The following ZNF536 variants were observed in gnomAD, a reference collection of about 807,000 sequenced individuals.
The protein encoded by ZNF536 is zinc finger protein 536.
A neutral mutation model predicts 84.5 loss-of-function variants in ZNF536; 13 were observed. The observed-to-expected ratio is 0.15, with a 90% CI of 0.10 to 0.24. The LOEUF (loss-of-function observed/expected upper bound fraction) is 0.24. Ranked by LOEUF, ZNF536 falls within the 10% of genes least tolerant of loss-of-function variation. ZNF536 has a pLI of 1.00. For synonymous variants in ZNF536, 811 were observed against 742.5 expected (o/e 1.09, Z -1.50); for missense variants, 1,536 against 1,747.5 (o/e 0.88, Z 2.16).
At chr19:30,518,460 G>C (rs1568507987) in intron 2 of ZNF536, among the ~76,000 whole-genome samples, 1 of 152,166 alleles carries the variant, frequency 6.6e-6, no homozygotes, top group Non-Finnish European at 1.5e-5. Flanking sequence ...ACATAGATGA[G>C]GAAATGTATT....
intron 1 of ZNF536, among the ~76,000 whole-genome samples, chr19:30,702,914 C>T (rs2052047530): frequency 6.6e-6 from 1 of 152,226 alleles, no homozygotes; most frequent in Non-Finnish European, 1.5e-5. Context: ...AATAAAAGCT[C>T]AGTCCTTGCC....
intron 1 of ZNF536, among the ~76,000 whole-genome samples, chr19:30,575,161 A>G (rs151000303): frequency 1.3e-3 from 204 of 152,300 alleles, no homozygotes; most frequent in Non-Finnish European, 2.2e-3. Context: ...TTCAGCAAGC[A>G]AGCATTGATG....
chr19:30,639,857 A>G (rs970583184), intron 1 of ZNF536, among the ~76,000 whole-genome samples: 3 of 152,202 alleles, frequency 2.0e-5, no homozygotes, highest in Non-Finnish European at 4.4e-5. Flanking sequence ...AGTCAAAAGC[A>G]AGCCCAGCAT....
At chr19:30,349,035 TG>T (rs1256158116) in intron 2 of ZNF536, among the ~76,000 whole-genome samples, 3 of 152,196 alleles carry the variant, frequency 2.0e-5, no homozygotes, top group Non-Finnish European at 4.4e-5. Flanking sequence ...CTCCACCAAA[TG>T]AGTGAGGATG....
chr19:30,389,441 A>T (rs2049487662), intron 1 of ZNF536, among the ~76,000 whole-genome samples: 1 of 152,138 alleles, frequency 6.6e-6, no homozygotes, highest in Non-Finnish European at 1.5e-5. Context: ...TTTTTGCTCA[A>T]GATACATGCT....
At chr19:30,428,509 C>A (rs932791610) in intron 1 of ZNF536, among the ~76,000 whole-genome samples, 1 of 152,198 alleles carries the variant, frequency 6.6e-6, no homozygotes, top group Admixed American at 6.5e-5. Flanking sequence ...CTCATAGGAG[C>A]CCAGAGAGTA....
chr19:30,576,718 G>T (rs1431721003), intron 1 of ZNF536, among the ~76,000 whole-genome samples: 1 of 152,204 alleles, frequency 6.6e-6, no homozygotes, highest in Non-Finnish European at 1.5e-5. Context: ...TCACAGTGAG[G>T]CTTGTGGAGT....
At chr19:30,691,253 C>G (rs1458018789) in intron 1 of ZNF536, among the ~76,000 whole-genome samples, 1 of 152,090 alleles carries the variant, frequency 6.6e-6, no homozygotes, top group African/African-American at 2.4e-5. Context: ...CGCTGGCCCA[C>G]CCCCCACATG....
intron 1 of ZNF536, among the ~76,000 whole-genome samples, chr19:30,248,494 C>T (rs73021651): frequency 0.01 from 1,543 of 151,760 alleles, 20 homozygotes; most frequent in Non-Finnish European, 0.018. Context: ...TCTACCCACC[C>T]GCACCTCCCA....
At chr19:30,241,057 C>A (rs536197083) in intron 1 of ZNF536, among the ~76,000 whole-genome samples, 13 of 152,184 alleles carry the variant, frequency 8.5e-5, no homozygotes, top group African/African-American at 2.9e-4. Context: ...GTGGCTCACA[C>A]CTTTAATCCC....
chr19:30,559,710 AG>A (rs1046009213), downstream of ZNF536, among the ~76,000 whole-genome samples: 82 of 152,204 alleles, frequency 5.4e-4, no homozygotes, highest in African/African-American at 1.9e-3. Flanking sequence ...AAAGCCAGTG[AG>A]GGAGAGGCTG....
At position 30,329,556 on chromosome 19, in the gene ZNF536, G is replaced by A. The variant is rs1453497166; in HGVS notation, c.-119-22812G>A. 3.9e-5 allele frequency among the ~76,000 whole-genome samples: 6 copies of A among 152,122 alleles called. No homozygotes were observed. The South Asian group carries it at 8.3e-4, about 21-fold the overall frequency. On this transcript the variant is annotated intron_variant, in intron 2 of 5. Transcript: ENST00000585628. ...ATGCAACAGCCATGAAAGTGATGATGAAATTTTATTTAAGAGAACATCTAA... is the reference window on the plus strand; with the variant it reads ...ATGCAACAGCCATGAAAGTGATGATAAAATTTTATTTAAGAGAACATCTAA...
At chr19:30,235,129 A>G (rs918359692) in intron 1 of ZNF536, among the ~76,000 whole-genome samples, 6 of 152,172 alleles carry the variant, frequency 3.9e-5, no homozygotes, top group Admixed American at 6.5e-5. Flanking sequence ...CAGGCACTAC[A>G]TTACACACCC....
intron 2 of ZNF536, among the ~76,000 whole-genome samples, chr19:30,333,623 A>C (rs1187880393): frequency 6.6e-6 from 1 of 152,094 alleles, no homozygotes; most frequent in Admixed American, 6.5e-5. Flanking sequence ...CCCAGTGTCT[A>C]CCTTCTGCCA....
intron 1 of ZNF536, among the ~76,000 whole-genome samples, chr19:30,623,031 T>TC (rs397706622): frequency 3.6e-4 from 49 of 134,486 alleles, no homozygotes; most frequent in African/African-American, 1.4e-3. Context: ...TTTTTTTTTT[T>TC]GTTTTTTTGT....
chr19:30,580,154 G>A (rs1215389837), intron 1 of ZNF536, among the ~76,000 whole-genome samples: 1 of 152,116 alleles, frequency 6.6e-6, no homozygotes, highest in Non-Finnish European at 1.5e-5. Flanking sequence ...AGTGGTTCTG[G>A]TATTGGCAAT....
At chr19:30,256,209 C>T (rs1202742442) in intron 1 of ZNF536, among the ~76,000 whole-genome samples, 1 of 152,196 alleles carries the variant, frequency 6.6e-6, no homozygotes, top group Non-Finnish European at 1.5e-5. Flanking sequence ...AGAGGAGACT[C>T]AACTTTGTAG....
At chr19:30,629,407 G>T (rs902512105) in intron 1 of ZNF536, among the ~76,000 whole-genome samples, 10 of 152,022 alleles carry the variant, frequency 6.6e-5, no homozygotes, top group African/African-American at 2.2e-4. Flanking sequence ...TGTTGCCCAA[G>T]CTGGTCTCAA....
intron 2 of ZNF536, among the ~76,000 whole-genome samples, chr19:30,501,039 C>T (rs1287021092): frequency 6.6e-6 from 1 of 152,140 alleles, no homozygotes; most frequent in Non-Finnish European, 1.5e-5. Context: ...TTTCAGCTTT[C>T]TTACCCTGGG....
Sources: allele counts gnomAD v4.1 joint callset (sites outside exome capture counted in the v4.1 genomes callset), GRCh38; gene constraint gnomAD v4.1.1; transcripts MANE v1.5; gene names NCBI Gene and HGNC (gene_info 2026-07-23, HGNC 2026-07-21).